Variants in DGKG observed in about 807,000 individuals in gnomAD.
DGKG encodes DAG kinase gamma.
In DGKG, 78 loss-of-function variants were observed where a neutral mutation model predicts 105.3. The ratio of observed to expected loss-of-function variants is 0.74; its 90% confidence interval spans 0.62 to 0.89. The LOEUF is 0.89. DGKG is among the 40% of genes least tolerant of loss of function. The pLI is 0.00. For synonymous variants in DGKG, 346 were observed against 367.1 expected, an observed-to-expected ratio of 0.94 and a Z score of 0.66; for missense variants, 958 against 1,020.1, an observed-to-expected ratio of 0.94 and a Z score of 0.83.
intron 23 of DGKG, 54 bp from the exon 24 acceptor site, chr3:186,161,717 A>C: frequency 2.5e-6 from 4 of 1,613,244 alleles, no homozygotes; most frequent in Non-Finnish European, 3.4e-6. Flanking sequence ...TGGGAGAATC[A>C]AGGTTATTCC....
At chr3:186,345,068 A>G (rs1028660272) in intron 1 of DGKG, among the ~76,000 whole-genome samples, 7 of 152,174 alleles carry the variant, frequency 4.6e-5, no homozygotes, top group Non-Finnish European at 7.4e-5. Context: ...TTTGGGGTGC[A>G]ATATTAATTG....
rs528738912 is a variant in DGKG, at chr3:186,269,221, T to C, written c.1000-304A>G. On this transcript the variant is annotated intron_variant, in intron 11 of 24. Transcript: ENST00000265022. ...TGTCTGGCAGTCCATCTGTTTGTCT[T>C]GCAGAACGCCTTGCAGAGTGATGTG... Among the ~76,000 whole-genome samples, 10 of 152,374 alleles carry C rather than the reference T, an allele frequency of 6.6e-5. No individual in the cohort carries two copies. The South Asian group carries it at 2.1e-3, about 32-fold the overall frequency.
In DGKG at chr3:186,307,515, C is replaced by T. The variant is rs574466028; in HGVS notation, c.68-538G>A. On this transcript the variant is annotated intron_variant, in intron 2 of 24. Transcript: ENST00000265022. The stretch of plus-strand genomic sequence containing the variant: ...TTGCACCAGTCAGAGTTAAGCATTC[C>T]CTTCATTGGCTCCCACGTGACTTGT... Among the ~76,000 whole-genome samples, 3 of 152,272 alleles carry T rather than the reference C, an allele frequency of 2.0e-5. No individual in the cohort carries two copies. In the East Asian group the frequency reaches 5.8e-4, roughly 29 times the overall value.
chr3:186,330,738 G>A (rs1339365943), intron 1 of DGKG, among the ~76,000 whole-genome samples: 1 of 152,202 alleles, frequency 6.6e-6, no homozygotes, highest in East Asian at 1.9e-4. Flanking sequence ...AGTCATCTAA[G>A]TCATCCTAGC....
intron 1 of DGKG, among the ~76,000 whole-genome samples, chr3:186,333,140 G>A (rs939149443): frequency 6.6e-6 from 1 of 152,190 alleles, no homozygotes; most frequent in Admixed American, 6.5e-5. Context: ...GTTTATGAGA[G>A]CATCACTAGT....
chr3:186,261,034 C>T (rs1233795118), intron 15 of DGKG, among the ~76,000 whole-genome samples: 1 of 152,178 alleles, frequency 6.6e-6, no homozygotes, highest in Non-Finnish European at 1.5e-5. Flanking sequence ...CCCAGGCCTG[C>T]TTTCCTGGCT....
chr3:186,193,730 C>G (rs1718026714), intron 21 of DGKG, among the ~76,000 whole-genome samples: 1 of 152,314 alleles, frequency 6.6e-6, no homozygotes, highest in Middle Eastern at 3.4e-3. Flanking sequence ...GCCCGCTCCC[C>G]GGCGGGTTCC....
intron 20 of DGKG, among the ~76,000 whole-genome samples, chr3:186,235,001 C>T (rs1720344966): frequency 6.6e-6 from 1 of 151,604 alleles, no homozygotes; most frequent in South Asian, 2.1e-4. Flanking sequence ...CAACAAAAAA[C>T]CCTGGACTTC....
chr3:186,255,776 G>C (rs1051054200), intron 17 of DGKG, among the ~76,000 whole-genome samples: 19 of 152,216 alleles, frequency 1.2e-4, no homozygotes, highest in African/African-American at 4.6e-4. Context: ...AGATCGCTAT[G>C]GGTGTAGGGA....
chr3:186,266,268 T>C lies in DGKG; in HGVS notation c.1210-962A>G, dbSNP rs143574361. Among the ~76,000 whole-genome samples, 22 of 152,330 alleles carry C rather than the reference T, an allele frequency of 1.4e-4. No individual in the cohort carries two copies. The East Asian group carries it at 4.2e-3, about 29-fold the overall frequency. On this transcript the variant is annotated intron_variant, in intron 13 of 24. Transcript: ENST00000265022. Reference sequence around the variant, plus strand: ...GAGTCTAGCTTCTTTGGTTCAGCATTATGTTTTTGAGATTCTCCATGTTTT... The same window carrying C: ...GAGTCTAGCTTCTTTGGTTCAGCATCATGTTTTTGAGATTCTCCATGTTTT...
At chr3:186,213,590 A>T (rs1169653729) in intron 20 of DGKG, among the ~76,000 whole-genome samples, 1 of 152,186 alleles carries the variant, frequency 6.6e-6, no homozygotes, top group East Asian at 1.9e-4. Context: ...GGTCCAGGGG[A>T]TACTGTGAGT....
At chr3:186,297,615 G>A in intron 4 of DGKG, 132 bp from the exon 5 acceptor site, 5 of 680,854 alleles carry the variant, frequency 7.3e-6, no homozygotes, top group Non-Finnish European at 1.3e-5. Flanking sequence ...TGTCAGCTGG[G>A]TTCATGCTCG....
chr3:186,241,283 CA>C (rs1331721007), intron 20 of DGKG, among the ~76,000 whole-genome samples: 1 of 151,844 alleles, frequency 6.6e-6, no homozygotes, highest in Admixed American at 6.6e-5. Context: ...CTTTTAAGGA[CA>C]ATTCTTGCTT....
At chr3:186,298,294 G>C in intron 3 of DGKG, 65 bp from the exon 4 acceptor site, 1 of 1,468,572 alleles carries the variant, frequency 6.8e-7, no homozygotes, top group Non-Finnish European at 9.1e-7. Context: ...AAGAGAGAAG[G>C]AAAAGGAATA....
At chr3:186,331,815 C>T (rs1441426568) in intron 1 of DGKG, among the ~76,000 whole-genome samples, 1 of 152,326 alleles carries the variant, frequency 6.6e-6, no homozygotes, top group East Asian at 1.9e-4. Flanking sequence ...ACTGTAATAA[C>T]AAGCAATAGC....
intron 21 of DGKG, among the ~76,000 whole-genome samples, chr3:186,192,155 C>T (rs1357295293): frequency 6.6e-6 from 1 of 152,090 alleles, no homozygotes; most frequent in African/African-American, 2.4e-5. Context: ...ATTACAGGTG[C>T]CTGTCACCAC....
chr3:186,360,417 G>C (rs543504796), intron 1 of DGKG, among the ~76,000 whole-genome samples: 38 of 152,284 alleles, frequency 2.5e-4, no homozygotes, highest in Admixed American at 2.4e-3. Flanking sequence ...AAAAGACATA[G>C]ATCAGGAGTA....
chr3:186,316,013 G>C (rs1029057056), intron 2 of DGKG, among the ~76,000 whole-genome samples: 1 of 152,264 alleles, frequency 6.6e-6, no homozygotes, highest in African/African-American at 2.4e-5. Context: ...TGAAAAGAAA[G>C]GACATATGGA....
In DGKG at chr3:186,331,118, T is replaced by G. The variant is rs1560158779; in HGVS notation, c.-248-10411A>C. Among the ~76,000 whole-genome samples the G allele has an allele frequency of 2.0e-5, 3 of 152,234 alleles. No homozygotes were observed. The South Asian group carries it at 6.2e-4, about 31-fold the overall frequency. ...TGCCTGCTGTAGGGTTAGCCAAATATCCTTCACAAACTAATATGATAATTA... is the reference window on the plus strand; with the variant it reads ...TGCCTGCTGTAGGGTTAGCCAAATAGCCTTCACAAACTAATATGATAATTA... On this transcript the variant is annotated intron_variant, in intron 1 of 24. Transcript: ENST00000265022.
Sources: gnomAD v4.1 joint callset for allele counts (sites outside exome capture counted in the v4.1 genomes callset) on GRCh38, gnomAD v4.1.1 for gene constraint, MANE v1.5 for transcripts, NCBI Gene and HGNC (gene_info 2026-07-23, HGNC 2026-07-21) for gene names.